The following PAPPA2 variants were observed in gnomAD, a reference collection of about 807,000 sequenced individuals.
PAPPA2 encodes the protein pappalysin-2.
Under a neutral mutation model 176.4 loss-of-function variants are expected in PAPPA2, and 86 were observed. That is an observed-to-expected ratio of 0.49 (90% CI 0.41 to 0.58). The LOEUF (loss-of-function observed/expected upper bound fraction) is 0.58, where lower values mean the gene tolerates loss of function less well. Among genes scored for constraint, PAPPA2 ranks in the 20% least tolerant of loss-of-function variants. The probability of loss-of-function intolerance (pLI) is 0.00; values close to 1 mark genes in which losing one functional copy is unlikely to be tolerated. For missense variants in PAPPA2, 2,073 were observed against 2,256.9 expected, an observed-to-expected ratio of 0.92 and a Z score of 1.65; for synonymous variants, 809 against 852.2, an observed-to-expected ratio of 0.95 and a Z score of 0.88.
intron 1 of PAPPA2, among the ~76,000 whole-genome samples, chr1:176,532,925 C>T (rs6694646): frequency 0.18 from 27,325 of 152,178 alleles, 3,156 homozygotes; most frequent in African/African-American, 0.32. Context: ...TTCCAGCCCC[C>T]CTGCTCACTC....
intron 1 of PAPPA2, among the ~76,000 whole-genome samples, chr1:176,498,479 G>C (rs1002211053): frequency 6.6e-6 from 1 of 152,170 alleles, no homozygotes; most frequent in Non-Finnish European, 1.5e-5. Context: ...GCCGGGCACG[G>C]TGGCTCACAT....
At chr1:176,467,600 T>C (rs1317195277) in intron 1 of PAPPA2, among the ~76,000 whole-genome samples, 2 of 152,194 alleles carry the variant, frequency 1.3e-5, no homozygotes, top group Non-Finnish European at 2.9e-5. Flanking sequence ...ATTTATTCAG[T>C]TGACAGCGCC....
chr1:176,719,999 T>A (rs960500557), intron 12 of PAPPA2, among the ~76,000 whole-genome samples: 5 of 152,218 alleles, frequency 3.3e-5, no homozygotes, highest in African/African-American at 1.2e-4. Flanking sequence ...CACATGGTGA[T>A]TTTTGGATTG....
At chr1:176,559,317 T>C (rs1651524069) in intron 2 of PAPPA2, among the ~76,000 whole-genome samples, 2 of 152,210 alleles carry the variant, frequency 1.3e-5, no homozygotes, top group South Asian at 4.1e-4. Context: ...ACCAGAAAGG[T>C]TGAGGGCAGG....
intron 21 of PAPPA2, among the ~76,000 whole-genome samples, chr1:176,823,387 A>G (rs1666737452): frequency 6.6e-6 from 1 of 152,238 alleles, no homozygotes; most frequent in South Asian, 2.1e-4. Context: ...TTAAAGAGGT[A>G]AATAAAAGGT....
chr1:176,575,598 T>C (rs1022910976), intron 2 of PAPPA2, among the ~76,000 whole-genome samples: 14 of 152,248 alleles, frequency 9.2e-5, no homozygotes, highest in Non-Finnish European at 1.6e-4. Context: ...TTATTAAATA[T>C]GCAATATGTG....
chr1:176,760,005 C>A (rs1274526576), intron 14 of PAPPA2, among the ~76,000 whole-genome samples: 1 of 152,118 alleles, frequency 6.6e-6, no homozygotes, highest in Non-Finnish European at 1.5e-5. Context: ...GAATTTTTTT[C>A]AGTTCACGGT....
At chr1:176,755,770 T>G (rs1054604196) in intron 14 of PAPPA2, among the ~76,000 whole-genome samples, 6 of 152,154 alleles carry the variant, frequency 3.9e-5, no homozygotes, top group African/African-American at 1.4e-4. Context: ...AAAATTTGCC[T>G]ATAATTTTTG....
chr1:176,660,336 T>G (rs10633895), intron 3 of PAPPA2, among the ~76,000 whole-genome samples: 35 of 122,028 alleles, frequency 2.9e-4, no homozygotes, highest in South Asian at 8.5e-4. Flanking sequence ...AATTGTTTGT[T>G]TGTGTGTGTG....
At position 176,690,203 on chromosome 1, in the gene PAPPA2, T is replaced by G; in HGVS notation, c.2204T>G (p.Val735Gly). ...PGHTDTMIHE[V>G]GHVLGLYHVF... ...CACACCGACACCATGATCCATGAAG[T>G]GGGACATGTTCTGGGACTCTACCAT... The change falls in exon 5 of 23, where the codon GTG (valine) becomes GGG (glycine). Residue 735 changes from valine (V) to glycine (G), a missense_variant. Val to Gly is a moderately radical substitution (Grantham distance 109). Around this residue, in one of 4 missense-constraint regions of PAPPA2, gnomAD observed 1,196 missense variants for 1,330.4 expected, o/e 0.90. Transcript: ENST00000367662. 6.2e-7 allele frequency: 1 copy of G among 1,614,004 alleles called. No homozygotes were observed. Among genetic ancestry groups the G allele is most frequent in the Non-Finnish European group, 8.5e-7 (1 of 1,179,966 alleles).
intron 3 of PAPPA2, among the ~76,000 whole-genome samples, chr1:176,655,136 C>A (rs1196496610): frequency 6.6e-6 from 1 of 151,790 alleles, no homozygotes; most frequent in African/African-American, 2.4e-5. Context: ...AGTGGGCAAC[C>A]TTGTCTTGTT....
At chr1:176,530,572 A>G (rs1649754903) in intron 1 of PAPPA2, among the ~76,000 whole-genome samples, 1 of 151,832 alleles carries the variant, frequency 6.6e-6, no homozygotes, top group Non-Finnish European at 1.5e-5. Context: ...ATCCATCTTC[A>G]GTAAGTTTGT....
At position 176,702,778 on chromosome 1, in the gene PAPPA2, A is replaced by T. The variant is rs2985893; in HGVS notation, c.3365+43A>T. On this transcript the variant is annotated intron_variant, in intron 9 of 22. Coordinates refer to ENST00000367662, the MANE Select transcript of PAPPA2 (RefSeq NM_020318.3). ...GTGTGTGTGTGTGTGTGTGTGTGTGAGAGAGAGAGAGAGAGAGAGAGAGAG... is the reference window on the plus strand; with the variant it reads ...GTGTGTGTGTGTGTGTGTGTGTGTGTGAGAGAGAGAGAGAGAGAGAGAGAG... 113,345 of 577,380 alleles carry T rather than the reference A, an allele frequency of 0.2. 2,213 individuals are homozygous for T. Among genetic ancestry groups the T allele is most frequent in the South Asian group, 0.36 (9,167 of 25,134 alleles). The allele number at this position is 577,380 out of a possible 1,614,324, so 35.8% of individuals were successfully genotyped here. A position where few individuals can be genotyped will look rare whatever the true frequency, so the allele number is the denominator to read the frequency against.
intron 21 of PAPPA2, among the ~76,000 whole-genome samples, chr1:176,808,538 A>G (rs932738880): frequency 6.6e-6 from 1 of 152,218 alleles, no homozygotes. Flanking sequence ...AGCCAGAAAA[A>G]GGTGAATTGT....
chr1:176,837,370 G>A (rs1349906959), intron 21 of PAPPA2, among the ~76,000 whole-genome samples: 1 of 151,150 alleles, frequency 6.6e-6, no homozygotes, highest in Non-Finnish European at 1.5e-5. Context: ...GTGTGTGCGT[G>A]TGTGTGTTTT....
intron 21 of PAPPA2, among the ~76,000 whole-genome samples, chr1:176,807,762 C>G (rs1665969736): frequency 6.6e-6 from 1 of 152,004 alleles, no homozygotes; most frequent in African/African-American, 2.4e-5. Context: ...TCCCAAAGTG[C>G]TGGGATTACA....
intron 12 of PAPPA2, among the ~76,000 whole-genome samples, chr1:176,716,960 C>T (rs1365312036): frequency 6.6e-6 from 1 of 152,090 alleles, no homozygotes; most frequent in East Asian, 1.9e-4. Flanking sequence ...TCAACCCATC[C>T]CCTCTTCTGA....
chr1:176,557,546 C>T (rs1651397787), intron 2 of PAPPA2, among the ~76,000 whole-genome samples: 2 of 152,144 alleles, frequency 1.3e-5, no homozygotes, highest in Non-Finnish European at 2.9e-5. Context: ...GGATAGAGCT[C>T]CTTGGTTCTT....
intron 3 of PAPPA2, among the ~76,000 whole-genome samples, chr1:176,629,764 C>T (rs1656239753): frequency 6.6e-6 from 1 of 152,048 alleles, no homozygotes; most frequent in Non-Finnish European, 1.5e-5. Flanking sequence ...TTGGGGAGGA[C>T]ACTGGAATAT....
Sources: allele counts gnomAD v4.1 joint callset (sites outside exome capture counted in the v4.1 genomes callset), GRCh38; gene constraint gnomAD v4.1.1; regional missense constraint gnomAD v4.1.1; transcripts MANE v1.5; gene names NCBI Gene and HGNC (gene_info 2026-07-23, HGNC 2026-07-21).